ALMS1: variants seen among roughly 807,000 people sequenced by gnomAD.
ALMS1 encodes the protein centrosome-associated protein ALMS1.
In ALMS1, 271 loss-of-function variants were observed where a neutral mutation model predicts 352.2. The ratio of observed to expected loss-of-function variants is 0.77; its 90% confidence interval spans 0.70 to 0.85. The LOEUF (loss-of-function observed/expected upper bound fraction) is 0.85, where lower values mean the gene tolerates loss of function less well. Among genes scored for constraint, ALMS1 ranks in the 40% least tolerant of loss-of-function variants. The pLI, the probability that ALMS1 is intolerant of heterozygous loss-of-function variation, is 0.00. For missense variants in ALMS1, 5,445 were observed against 4,870.7 expected (o/e 1.12, Z -3.51); for synonymous variants, 1,865 against 1,761.2 (o/e 1.06, Z -1.48).
At chr2:73,544,682 G>T (rs1191684556) in intron 12 of ALMS1, among the ~76,000 whole-genome samples, 1 of 152,102 alleles carries the variant, frequency 6.6e-6, no homozygotes, top group Non-Finnish European at 1.5e-5. Flanking sequence ...ATTATAGTAT[G>T]ATCCAGTAAT....
rs1221176921 is a variant in ALMS1 at position 73,602,349 on chromosome 2, G to A, written c.12279G>A (p.Met4093Ile). ...DRERQGHQNR[M>I]CPLPKRVFLA... The stretch of plus-strand genomic sequence containing the variant: ...AACGGCAGGGCCACCAGAATCGCAT[G>A]TGCCCGCTGCCCAAGAGAGGTACGC... The change falls in exon 20 of 23, where the codon ATG (methionine) becomes ATA (isoleucine). Residue 4093 changes from methionine (M) to isoleucine (I), a missense_variant. Transcript: ENST00000613296. 8.1e-6 allele frequency: 13 copies of A among 1,614,154 alleles called. No individual in the cohort carries two copies. Among genetic ancestry groups the A allele is most frequent in the Non-Finnish European group, 1.0e-5 (12 of 1,180,014 alleles).
chr2:73,592,653 T>C (rs1675457096), intron 16 of ALMS1, among the ~76,000 whole-genome samples: 1 of 152,220 alleles, frequency 6.6e-6, no homozygotes, highest in Non-Finnish European at 1.5e-5. Context: ...GCCTGAAGAA[T>C]AGCAGTGTAG....
chr2:73,593,700 C>T (rs571492201), intron 16 of ALMS1, among the ~76,000 whole-genome samples: 3 of 152,146 alleles, frequency 2.0e-5, no homozygotes, highest in South Asian at 2.1e-4. Context: ...TTTTAAACAC[C>T]CTCCAAAAAA....
chr2:73,451,004 G>T lies in ALMS1; in HGVS notation c.4477G>T (p.Gly1493Cys), dbSNP rs1671925591. 1.2e-6 allele frequency: 2 copies of T among 1,612,782 alleles called. No individual in the cohort carries two copies. Among genetic ancestry groups the T allele is most frequent in the South Asian group, 1.1e-5 (1 of 90,970 alleles). The change falls in exon 8 of 23, where the codon GGT becomes TGT. Residue 1493 changes from glycine (G) to cysteine (C), a missense_variant. Transcript: ENST00000613296. ...TATCTACAAACAGGCCTTTCCAGAG[G>T]GTCATCTACCTGAAGAGTCTCTGAA... ...IVIYKQAFPE[G>C]HLPEESLKVS...
At chr2:73,580,380 C>T (rs1187439661) in intron 16 of ALMS1, among the ~76,000 whole-genome samples, 1 of 152,162 alleles carries the variant, frequency 6.6e-6, no homozygotes, top group Non-Finnish European at 1.5e-5. Context: ...CATTTTAGCT[C>T]TTGTACTTTT....
intron 1 of ALMS1, among the ~76,000 whole-genome samples, chr2:73,408,163 A>G (rs546928982): frequency 2.0e-5 from 3 of 152,276 alleles, no homozygotes; most frequent in African/African-American, 4.8e-5. Flanking sequence ...TAATCTGTCC[A>G]TTTGTGTTCC....
At chr2:73,606,126 A>AT (rs1283400067) in intron 21 of ALMS1, among the ~76,000 whole-genome samples, 3 of 152,162 alleles carry the variant, frequency 2.0e-5, no homozygotes, top group Admixed American at 1.3e-4. Flanking sequence ...TCTCACTAAC[A>AT]TTTTTTTGTT....
chr2:73,574,293 T>C (rs1675006503), intron 16 of ALMS1, among the ~76,000 whole-genome samples: 1 of 152,196 alleles, frequency 6.6e-6, no homozygotes, highest in Admixed American at 6.5e-5. Flanking sequence ...AGGCCATTGC[T>C]TTAACCCAAG....
chr2:73,549,231 G>A (rs1290500958), intron 12 of ALMS1, among the ~76,000 whole-genome samples: 2 of 152,078 alleles, frequency 1.3e-5, no homozygotes, highest in African/African-American at 4.8e-5. Context: ...ATTTTATCAA[G>A]GAATGTGGGA....
chr2:73,506,708 A>G (rs1365870299), intron 10 of ALMS1, among the ~76,000 whole-genome samples: 2 of 152,182 alleles, frequency 1.3e-5, no homozygotes, highest in African/African-American at 4.8e-5. Context: ...CTAAATATAC[A>G]ATCGTGTCAT....
chr2:73,414,220 G>T (rs1349768356), intron 2 of ALMS1, among the ~76,000 whole-genome samples: 2 of 151,942 alleles, frequency 1.3e-5, no homozygotes, highest in African/African-American at 4.8e-5. Context: ...GCTGTCTTCA[G>T]TGTGCCAATC....
At chr2:73,469,000 G>T (rs977808073) in intron 9 of ALMS1, among the ~76,000 whole-genome samples, 6 of 151,780 alleles carry the variant, frequency 4.0e-5, no homozygotes, top group Admixed American at 6.6e-5. Flanking sequence ...GTCAAAAACT[G>T]TTGAGATCAT....
intron 1 of ALMS1, among the ~76,000 whole-genome samples, chr2:73,394,335 C>T (rs1670710308): frequency 6.6e-6 from 1 of 151,964 alleles, no homozygotes; most frequent in Admixed American, 6.6e-5. Flanking sequence ...GGAGTATGGT[C>T]ATCTTGATAT....
chr2:73,420,931 G>C (rs576019030), intron 3 of ALMS1, among the ~76,000 whole-genome samples: 1 of 152,268 alleles, frequency 6.6e-6, no homozygotes, highest in East Asian at 1.9e-4. Context: ...AAAGAGGGAT[G>C]CAAGCCAGTA....
intron 4 of ALMS1, among the ~76,000 whole-genome samples, chr2:73,423,671 A>ATTT (rs1671325482): frequency 6.6e-6 from 1 of 152,174 alleles, no homozygotes; most frequent in African/African-American, 2.4e-5. Flanking sequence ...CACTTTTATG[A>ATTT]AAAGTGATCT....
At chr2:73,533,029 G>C (rs1314532680) in intron 11 of ALMS1, among the ~76,000 whole-genome samples, 3 of 152,150 alleles carry the variant, frequency 2.0e-5, no homozygotes, top group Non-Finnish European at 4.4e-5. Context: ...CAGGAACTAG[G>C]TCATGGAATG....
chr2:73,485,901 CAA>C (rs1672830578), intron 9 of ALMS1, among the ~76,000 whole-genome samples: 1 of 152,160 alleles, frequency 6.6e-6, no homozygotes, highest in Non-Finnish European at 1.5e-5. Context: ...TTGCGCTTCC[CAA>C]GTGAGGCAAT....
Position 73,408,638 on chromosome 2 carries a change from G to T in ALMS1, c.341G>T (p.Cys114Phe), listed in dbSNP as rs1052797474. Residue 114 changes from cysteine to phenylalanine, a missense_variant, in exon 2 of 23, where the codon TGT becomes TTT. Transcript: ENST00000613296. ...TSLEKIVPLTCHVWQQIVYQG... is the reference protein window; with the variant it reads ...TSLEKIVPLTFHVWQQIVYQG... ...GATTTTCAGATTGTTCCATTGACCT[G>T]TCATGTATGGCAACAGATAGTATAT... 19 of 1,613,040 alleles carry T rather than the reference G, an allele frequency of 1.2e-5. No homozygotes were observed. The highest frequency in any genetic ancestry group is 1.7e-5 in the Admixed American group (1 of 59,926).
intron 7 of ALMS1, among the ~76,000 whole-genome samples, chr2:73,432,801 G>C (rs562162486): frequency 3.9e-4 from 60 of 152,264 alleles, no homozygotes; most frequent in African/African-American, 1.3e-3. Flanking sequence ...CAAGTCCCCT[G>C]ATGTTTTATT....
Sources: allele counts gnomAD v4.1 joint callset (sites outside exome capture counted in the v4.1 genomes callset), GRCh38; gene constraint gnomAD v4.1.1; transcripts MANE v1.5; gene names NCBI Gene and HGNC (gene_info 2026-07-23, HGNC 2026-07-21).